DPY19L1: variants seen among roughly 807,000 people sequenced by gnomAD.
DPY19L1 encodes the protein protein C-mannosyl-transferase DPY19L1.
DPY19L1 carries 35 observed loss-of-function variants against 96.9 expected under a neutral mutation model. The observed-to-expected ratio is 0.36, with a 90% CI of 0.28 to 0.48. DPY19L1 has a LOEUF of 0.48. Among genes scored for constraint, DPY19L1 ranks in the 20% least tolerant of loss-of-function variants. DPY19L1 has a pLI of 0.99. For synonymous variants in DPY19L1, 205 were observed against 252.6 expected (o/e 0.81, Z 1.79); for missense variants, 521 against 777.9 (o/e 0.67, Z 3.93).
intron 9 of DPY19L1, among the ~76,000 whole-genome samples, chr7:34,969,140 A>T (rs1023966439): frequency 4.6e-5 from 7 of 152,192 alleles, no homozygotes; most frequent in African/African-American, 1.4e-4. Flanking sequence ...TAAGCACTTA[A>T]CGATACTGAA....
In DPY19L1 at chr7:34,995,730, C is replaced by T. The variant is rs116101483; in HGVS notation, c.765-5789G>A. Among the ~76,000 whole-genome samples, 385 of 152,090 alleles carry T rather than the reference C, an allele frequency of 2.5e-3. 3 individuals are homozygous for T. Among genetic ancestry groups the T allele is most frequent in the African/African-American group, 8.8e-3 (363 of 41,478 alleles). On this transcript the variant is annotated intron_variant, in intron 6 of 21. Coordinates refer to ENST00000638088, the MANE Select transcript of DPY19L1 (RefSeq NM_001366673.1). ...TCAAAACTATATTAAATAACTCTTA[C>T]GATTTTCTTATTGTATAAATGCTTA...
chr7:34,972,248 T>G (rs1247424619), intron 8 of DPY19L1, among the ~76,000 whole-genome samples: 2 of 152,180 alleles, frequency 1.3e-5, no homozygotes, highest in African/African-American at 2.4e-5. Context: ...ATACCCTGAT[T>G]TTAAAACTTC....
At position 34,931,030 on chromosome 7, in the gene DPY19L1, G is replaced by C. The variant is rs1259667530; in HGVS notation, c.*543C>G. The C allele has an allele frequency of 1.3e-5, 2 of 152,062 alleles. No homozygotes were observed. Among genetic ancestry groups the C allele is most frequent in the Non-Finnish European group, 2.9e-5 (2 of 68,014 alleles). 9.4% of individuals were successfully genotyped at this position (152,062 alleles called of 1,614,324 possible). Reference sequence around the variant, plus strand: ...AACAAGAGAACAGAGAACAAAAAGCGCACAAGGAAGTAAAACAAACAGATA... The same window carrying C: ...AACAAGAGAACAGAGAACAAAAAGCCCACAAGGAAGTAAAACAAACAGATA... On this transcript the variant is annotated 3_prime_UTR_variant, in exon 22 of 22. Transcript: ENST00000638088.
intron 16 of DPY19L1, among the ~76,000 whole-genome samples, chr7:34,944,701 G>A (rs189541531): frequency 6.6e-6 from 1 of 152,200 alleles, no homozygotes; most frequent in East Asian, 1.9e-4. Flanking sequence ...AGATATTTTG[G>A]ATGTTTCCAT....
chr7:34,980,076 T>C (rs1184156422), intron 7 of DPY19L1, among the ~76,000 whole-genome samples: 2 of 152,204 alleles, frequency 1.3e-5, no homozygotes, highest in East Asian at 3.9e-4. Context: ...TAGAACATAA[T>C]TGAGAATGTA....
At chr7:35,014,862 T>G (rs774209741) in intron 3 of DPY19L1, among the ~76,000 whole-genome samples, 2 of 152,128 alleles carry the variant, frequency 1.3e-5, no homozygotes, top group Admixed American at 6.5e-5. Flanking sequence ...ATATTTGGCC[T>G]CAAAGCTACA....
At chr7:34,994,743 G>T (rs1785246528) in intron 6 of DPY19L1, among the ~76,000 whole-genome samples, 1 of 151,732 alleles carries the variant, frequency 6.6e-6, no homozygotes, top group Admixed American at 6.6e-5. Flanking sequence ...GGTGGAGCTT[G>T]CAGTGAGCCA....
chr7:34,934,780 A>T (rs552030950), intron 21 of DPY19L1, among the ~76,000 whole-genome samples: 14 of 152,254 alleles, frequency 9.2e-5, no homozygotes, highest in South Asian at 6.2e-4. Flanking sequence ...CACTCATCTG[A>T]CAGGAGCCAG....
chr7:35,036,108 A>G (rs1786392957), intron 1 of DPY19L1, among the ~76,000 whole-genome samples: 1 of 152,132 alleles, frequency 6.6e-6, no homozygotes, highest in Non-Finnish European at 1.5e-5. Flanking sequence ...CTGTGATCTC[A>G]GGGGAAGCCA....
intron 1 of DPY19L1, among the ~76,000 whole-genome samples, chr7:35,019,607 G>C (rs1785946103): frequency 6.6e-6 from 1 of 151,694 alleles, no homozygotes; most frequent in Non-Finnish European, 1.5e-5. Context: ...GAGGAAGGAA[G>C]AATAAGGAGG....
chr7:34,984,218 C>A (rs1017397410), intron 7 of DPY19L1, among the ~76,000 whole-genome samples: 2 of 152,096 alleles, frequency 1.3e-5, no homozygotes, highest in African/African-American at 4.8e-5. Flanking sequence ...GAAATTATGT[C>A]AGATGGAAAT....
Position 35,009,701 on chromosome 7 carries a change from C to A in DPY19L1, c.764+767G>T, listed in dbSNP as rs1287089971. Among the ~76,000 whole-genome samples, 4 of 152,166 alleles carry A rather than the reference C, an allele frequency of 2.6e-5. No homozygotes were observed. In the East Asian group the frequency reaches 7.7e-4, roughly 29 times the overall value. On this transcript the variant is annotated intron_variant, in intron 6 of 21. Transcript: ENST00000638088. ...TGGAAGAAGAACCACAGACAGCCAT[C>A]TAGAAAGACCCAAATGCTCTAAGGT...
chr7:35,037,730 C>T (rs983965162), upstream of DPY19L1: 9 of 865,504 alleles, frequency 1.0e-5, no homozygotes, highest in African/African-American at 1.5e-4. Context: ...CCCTCTGCGC[C>T]GGACGCGCGC....
chr7:34,990,079 C>T (rs1562818542), intron 6 of DPY19L1, 138 bp from the exon 7 acceptor site: 1 of 497,780 alleles, frequency 2.0e-6, no homozygotes, highest in Non-Finnish European at 3.4e-6. Flanking sequence ...TGCTTATTTA[C>T]AAAATAGTTT....
At chr7:34,973,479 T>A (rs765477580) in intron 8 of DPY19L1, 35 bp downstream of exon 8, 14 of 1,329,278 alleles carry the variant, frequency 1.1e-5, no homozygotes, top group Non-Finnish European at 1.4e-5. Flanking sequence ...TAAAATTATT[T>A]AATGCAAAAA....
intron 1 of DPY19L1, among the ~76,000 whole-genome samples, chr7:35,027,646 C>G (rs1055464848): frequency 8.8e-6 from 1 of 113,004 alleles, no homozygotes; most frequent in African/African-American, 3.1e-5. Context: ...CCCCGGCCAA[C>G]ATGGCAAAAC....
intron 1 of DPY19L1, among the ~76,000 whole-genome samples, chr7:35,023,609 A>G (rs930051450): frequency 3.3e-5 from 5 of 152,160 alleles, no homozygotes; most frequent in African/African-American, 1.2e-4. Context: ...TCTTGTGAGT[A>G]TTTATCAGCA....
At chr7:34,980,737 G>T (rs970160290) in intron 7 of DPY19L1, among the ~76,000 whole-genome samples, 3 of 152,018 alleles carry the variant, frequency 2.0e-5, no homozygotes, top group Non-Finnish European at 4.4e-5. Context: ...CCCATAATAA[G>T]GTACCATTTC....
chr7:34,954,884 T>C (rs1187294525), intron 12 of DPY19L1, 106 bp from the exon 13 acceptor site: 3 of 495,456 alleles, frequency 6.1e-6, no homozygotes, highest in Non-Finnish European at 3.6e-6. Flanking sequence ...CATATTACTA[T>C]CTACAAGAGA....
Sources: gnomAD v4.1 joint callset for allele counts (sites outside exome capture counted in the v4.1 genomes callset) on GRCh38, gnomAD v4.1.1 for gene constraint, MANE v1.5 for transcripts, NCBI Gene and HGNC (gene_info 2026-07-23, HGNC 2026-07-21) for gene names.